Variants in ZNF385D observed in about 807,000 individuals in gnomAD.
The protein encoded by ZNF385D is zinc finger protein 385D.
Under a neutral mutation model 35.8 loss-of-function variants are expected in ZNF385D, and 15 were observed. The ratio of observed to expected loss-of-function variants is 0.42; its 90% CI spans 0.28 to 0.64. ZNF385D has a LOEUF of 0.64. ZNF385D is among the 30% of genes least tolerant of loss of function. The pLI, the probability that ZNF385D is intolerant of heterozygous loss-of-function variation, is 0.23. For synonymous variants in ZNF385D, 212 were observed against 186.8 expected (o/e 1.13, Z -1.10); for missense variants, 474 against 494.6 (o/e 0.96, Z 0.39).
chr3:21,861,067 G>A (rs921654379), intron 3 of ZNF385D, among the ~76,000 whole-genome samples: 1 of 152,128 alleles, frequency 6.6e-6, no homozygotes, highest in African/African-American at 2.4e-5. Flanking sequence ...AACAGTTTAA[G>A]CGTTATCCAC....
At chr3:22,048,835 T>C (rs1699170679) in intron 3 of ZNF385D, among the ~76,000 whole-genome samples, 1 of 152,194 alleles carries the variant, frequency 6.6e-6, no homozygotes. Flanking sequence ...TCACTTTGGA[T>C]AGTACGGACA....
chr3:21,663,875 T>C (rs1429720721), intron 2 of ZNF385D, among the ~76,000 whole-genome samples: 1 of 64,712 alleles, frequency 1.5e-5, no homozygotes, highest in African/African-American at 5.1e-5. Context: ...TGAAGAATTA[T>C]TTAATTGTGG....
chr3:21,758,355 C>G (rs2070441198), intron 3 of ZNF385D, among the ~76,000 whole-genome samples: 1 of 152,170 alleles, frequency 6.6e-6, no homozygotes, highest in Non-Finnish European at 1.5e-5. Context: ...CCATTAACAT[C>G]AGACATTGCC....
chr3:22,072,788 T>C (rs540907234), intron 3 of ZNF385D, among the ~76,000 whole-genome samples: 1 of 151,852 alleles, frequency 6.6e-6, no homozygotes, highest in Admixed American at 6.6e-5. Context: ...AAAAAGGGAA[T>C]GCAGAAGAAA....
At chr3:21,663,554 G>A (rs2066300332) in intron 2 of ZNF385D, among the ~76,000 whole-genome samples, 2 of 151,976 alleles carry the variant, frequency 1.3e-5, no homozygotes, top group Admixed American at 1.3e-4. Flanking sequence ...GAACCCAGGG[G>A]ATTTCAGTGT....
At chr3:21,820,303 G>C (rs1003636118) in intron 3 of ZNF385D, among the ~76,000 whole-genome samples, 24 of 151,368 alleles carry the variant, frequency 1.6e-4, no homozygotes, top group African/African-American at 5.8e-4. Context: ...AAAATAAATG[G>C]AGATAAATAA....
chr3:22,297,245 C>G (rs574291046), intron 2 of ZNF385D, among the ~76,000 whole-genome samples: 12 of 152,194 alleles, frequency 7.9e-5, no homozygotes, highest in East Asian at 1.9e-4. Context: ...CCAGATCCCC[C>G]CAATAGGACC....
chr3:21,980,187 T>C (rs1202690149), intron 3 of ZNF385D, among the ~76,000 whole-genome samples: 1 of 152,170 alleles, frequency 6.6e-6, no homozygotes, highest in Non-Finnish European at 1.5e-5. Flanking sequence ...ACAGTAACTT[T>C]CTTGGCATGT....
intron 3 of ZNF385D, among the ~76,000 whole-genome samples, chr3:22,025,845 G>A (rs1697509491): frequency 6.6e-6 from 1 of 152,154 alleles, no homozygotes; most frequent in Non-Finnish European, 1.5e-5. Flanking sequence ...TCTTCGAAGA[G>A]CCCTGTAATT....
chr3:21,806,225 AG>A (rs1190646425), intron 3 of ZNF385D, among the ~76,000 whole-genome samples: 3 of 126,398 alleles, frequency 2.4e-5, no homozygotes, highest in Non-Finnish European at 5.0e-5. Flanking sequence ...TTTTTTTGTG[AG>A]GGGGCAGGGG....
At chr3:21,645,374 T>A (rs1453494038) in intron 2 of ZNF385D, among the ~76,000 whole-genome samples, 1 of 152,076 alleles carries the variant, frequency 6.6e-6, no homozygotes, top group Non-Finnish European at 1.5e-5. Flanking sequence ...AGAAGGCAGT[T>A]AAGACCTCCA....
chr3:22,103,705 G>T (rs17010794), intron 3 of ZNF385D, among the ~76,000 whole-genome samples: 22,439 of 136,978 alleles, frequency 0.16, 2,078 homozygotes, highest in African/African-American at 0.26. Flanking sequence ...GTCAAAGTCA[G>T]GCAAAAACAA....
At chr3:21,610,823 G>T (rs1171669569) in intron 2 of ZNF385D, among the ~76,000 whole-genome samples, 1 of 152,090 alleles carries the variant, frequency 6.6e-6, no homozygotes, top group African/African-American at 2.4e-5. Context: ...GGTTGCTGTG[G>T]CTCTGAAGTC....
Position 22,022,244 on chromosome 3 carries a change from T to C in ZNF385D, c.325+146573A>G, listed in dbSNP as rs377027976. ...AAAATTAAGTTAACTGGCACATGGT[T>C]AAGCTTCAAAGGAATGTTAGCTATT... On this transcript the variant is annotated intron_variant, in intron 3 of 5. Coordinates refer to the ZNF385D transcript ENST00000494108. Among the ~76,000 whole-genome samples, 3 of 152,170 alleles carry C rather than the reference T, an allele frequency of 2.0e-5. No homozygotes were observed. The East Asian group carries it at 5.8e-4, about 29-fold the overall frequency.
intron 4 of ZNF385D, among the ~76,000 whole-genome samples, chr3:21,481,298 C>A (rs1704612136): frequency 6.6e-6 from 1 of 152,136 alleles, no homozygotes; most frequent in African/African-American, 2.4e-5. Flanking sequence ...TACATAAATG[C>A]AGATATTGAA....
chr3:22,164,321 CG>C (rs1706172727), intron 3 of ZNF385D, among the ~76,000 whole-genome samples: 1 of 147,806 alleles, frequency 6.8e-6, no homozygotes, highest in Non-Finnish European at 1.5e-5. Context: ...CTCTGCCTCC[CG>C]GGTTCAAGTA....
intron 3 of ZNF385D, among the ~76,000 whole-genome samples, chr3:21,915,882 T>A (rs1420934622): frequency 1.3e-5 from 2 of 152,152 alleles, no homozygotes; most frequent in Non-Finnish European, 2.9e-5. Flanking sequence ...CAAAAATAAC[T>A]CAGAATGAGG....
chr3:21,782,931 C>T (rs922099562), intron 3 of ZNF385D, among the ~76,000 whole-genome samples: 11 of 152,076 alleles, frequency 7.2e-5, no homozygotes, highest in Admixed American at 1.3e-4. Context: ...TATGAAAATT[C>T]GTTATGCAAT....
At chr3:22,009,628 A>AG (rs1559845289) in intron 3 of ZNF385D, among the ~76,000 whole-genome samples, 1 of 86,786 alleles carries the variant, frequency 1.2e-5, no homozygotes, top group African/African-American at 9.2e-5. Flanking sequence ...GTCTCAAAAA[A>AG]AAAAATAAAA....
Sources: allele counts gnomAD v4.1 joint callset (sites outside exome capture counted in the v4.1 genomes callset), GRCh38; gene constraint gnomAD v4.1.1; transcripts MANE v1.5; gene names NCBI Gene and HGNC (gene_info 2026-07-23, HGNC 2026-07-21).